PEX5L: variants seen among roughly 807,000 people sequenced by gnomAD.
PEX5L encodes the protein peroxisomal biogenesis factor 5 like.
PEX5L carries 30 observed loss-of-function variants against 84.0 expected under a neutral mutation model. The ratio of observed to expected loss-of-function variants is 0.36; its 90% CI spans 0.27 to 0.48. PEX5L has a LOEUF of 0.48. Among genes scored for constraint, PEX5L ranks in the 20% least tolerant of loss-of-function variants. PEX5L has a pLI of 0.99. For synonymous variants in PEX5L, 270 were observed against 283.1 expected, an observed-to-expected ratio of 0.95 and a Z score of 0.46; for missense variants, 533 against 754.6, an observed-to-expected ratio of 0.71 and a Z score of 3.44.
chr3:179,906,520 T>C (rs996515919), intron 2 of PEX5L, among the ~76,000 whole-genome samples: 3 of 152,224 alleles, frequency 2.0e-5, no homozygotes, highest in Non-Finnish European at 4.4e-5. Flanking sequence ...AATACATATT[T>C]CATAATTAAT....
intron 5 of PEX5L, among the ~76,000 whole-genome samples, chr3:179,877,637 T>C (rs1752837650): frequency 6.6e-6 from 1 of 151,708 alleles, no homozygotes. Context: ...TTTTAAAATT[T>C]TGTAGAGATG....
In PEX5L at chr3:179,840,183, G is replaced by GTGTGT. The variant is rs542803963; in HGVS notation, c.822+18878_822+18879insACACA. Among the ~76,000 whole-genome samples, 268 of 78,732 alleles carry GTGTGT rather than the reference G, an allele frequency of 3.4e-3. 3 individuals carry two copies. Among genetic ancestry groups the GTGTGT allele is most frequent in the African/African-American group, 0.013 (252 of 19,226 alleles). The allele number at this position is 78,732 out of a possible 152,430, so 51.7% of individuals were successfully genotyped here. ...TTTTTGTGTGTGTGTGTGTGTGTGT[G>GTGTGT]TTTTTTTTTTTTTTTTTTTTTTGAG... On this transcript the variant is annotated intron_variant, in intron 8 of 14. Transcript: ENST00000467460.
Position 179,796,525 on chromosome 3 carries a change from TC to T in PEX5L, c.*5302del, listed in dbSNP as rs1717040423. ...GTTTAATTTTCTGTGTTTTTTTTTTTCCTCTTAACTGTTTAATGCCTCCCCA... is the reference window on the plus strand; with the variant it reads ...GTTTAATTTTCTGTGTTTTTTTTTTTCTCTTAACTGTTTAATGCCTCCCCA... On this transcript the variant is annotated 3_prime_UTR_variant, in exon 15 of 15. Coordinates refer to ENST00000467460, the MANE Select transcript of PEX5L (RefSeq NM_016559.3). 2 of 151,862 alleles carry T rather than the reference TC, an allele frequency of 1.3e-5. No individual in the cohort carries two copies. Among genetic ancestry groups the T allele is most frequent in the Non-Finnish European group, 1.5e-5 (1 of 67,976 alleles). 9.4% of individuals were successfully genotyped at this position (151,862 alleles called of 1,614,324 possible). A position where few individuals can be genotyped will look rare whatever the true frequency, so the allele number is the denominator to read the frequency against.
intron 13 of PEX5L, 110 bp downstream of exon 13, chr3:179,808,162 C>G: frequency 1.2e-6 from 1 of 859,648 alleles, no homozygotes; most frequent in East Asian, 2.6e-5. Context: ...TCACTTTAAA[C>G]CATTGGAGTC....
intron 10 of PEX5L, among the ~76,000 whole-genome samples, chr3:179,815,196 T>C (rs1725553452): frequency 6.6e-6 from 1 of 152,270 alleles, no homozygotes. Context: ...GTTCAATAAA[T>C]GTGGCGTGAG....
At position 180,036,764 on chromosome 3, in the gene PEX5L, A is replaced by C. The variant is rs1299171643; in HGVS notation, c.-165T>G. On this transcript the variant is annotated 5_prime_UTR_variant, in exon 1 of 15. Coordinates refer to ENST00000467460, the MANE Select transcript of PEX5L (RefSeq NM_016559.3). Reference sequence around the variant, plus strand: ...CTCGGCCGGCCGGCGGCCACTCGGCAGCGCTGCGGGCTGCCGGGAACTGTT... The same window carrying C: ...CTCGGCCGGCCGGCGGCCACTCGGCCGCGCTGCGGGCTGCCGGGAACTGTT... The C allele has an allele frequency of 4.2e-6, 3 of 719,948 alleles. No homozygotes were observed. Among genetic ancestry groups the C allele is most frequent in the African/African-American group, 1.8e-5 (1 of 57,092 alleles). The allele number at this position is 719,948 out of a possible 1,614,324, so 44.6% of individuals were successfully genotyped here. A position where few individuals can be genotyped will look rare whatever the true frequency, so the allele number is the denominator to read the frequency against.
chr3:179,907,021 G>C (rs1763458213), intron 2 of PEX5L, among the ~76,000 whole-genome samples: 1 of 152,090 alleles, frequency 6.6e-6, no homozygotes. Context: ...GTTTCTCAGT[G>C]TATTTTATGA....
At chr3:179,880,153 C>A (rs1294760895) in intron 4 of PEX5L, 30 bp from the exon 5 acceptor site, 3 of 1,348,072 alleles carry the variant, frequency 2.2e-6, no homozygotes, top group Admixed American at 2.2e-5. Context: ...TTAAGATAAG[C>A]CCATTTACTA....
At chr3:179,817,205 A>AT (rs142591643) in intron 9 of PEX5L, among the ~76,000 whole-genome samples, 2,744 of 151,914 alleles carry the variant, frequency 0.018, 86 homozygotes, top group African/African-American at 0.063. Context: ...AAAGTTAAAG[A>AT]TTTTTTTTTA....
At chr3:180,029,011 G>A (rs376332574) in intron 1 of PEX5L, among the ~76,000 whole-genome samples, 16 of 152,238 alleles carry the variant, frequency 1.1e-4, no homozygotes, top group African/African-American at 3.9e-4. Flanking sequence ...AGATAATCTC[G>A]CAGTGGTTGG....
intron 1 of PEX5L, among the ~76,000 whole-genome samples, chr3:180,027,350 T>C (rs942752375): frequency 6.6e-6 from 1 of 152,208 alleles, no homozygotes; most frequent in Non-Finnish European, 1.5e-5. Flanking sequence ...ATTATTTATT[T>C]TGAAATAGTC....
intron 8 of PEX5L, among the ~76,000 whole-genome samples, chr3:179,847,779 G>T (rs1447603943): frequency 6.6e-6 from 1 of 152,032 alleles, no homozygotes; most frequent in Non-Finnish European, 1.5e-5. Flanking sequence ...AGGAATCCCT[G>T]CAGCCTTGAC....
intron 1 of PEX5L, among the ~76,000 whole-genome samples, chr3:180,009,933 A>T (rs1386236506): frequency 2.0e-5 from 3 of 151,714 alleles, no homozygotes; most frequent in Non-Finnish European, 4.4e-5. Flanking sequence ...GTAGTGTGTA[A>T]AGACTTTTAT....
rs1391079422 is a variant in PEX5L at position 179,797,138 on chromosome 3, G to T, written c.*4690C>A. On this transcript the variant is annotated 3_prime_UTR_variant, in exon 15 of 15. Coordinates refer to ENST00000467460, the MANE Select transcript of PEX5L (RefSeq NM_016559.3). ...ACATGATTTAGTTTAGTAGCATTCA[G>T]ACACTTGGATTTGTTTAAGTTTGGG... is the stretch of plus-strand genomic sequence containing the variant. 1 of 152,198 alleles carries T rather than the reference G, an allele frequency of 6.6e-6. No homozygotes were observed. Among genetic ancestry groups the T allele is most frequent in the Non-Finnish European group, 1.5e-5 (1 of 68,028 alleles). The allele number at this position is 152,198 out of a possible 1,614,324, so 9.4% of individuals were successfully genotyped here.
chr3:179,865,532 C>T (rs1173534966), intron 7 of PEX5L, among the ~76,000 whole-genome samples: 1 of 149,732 alleles, frequency 6.7e-6, no homozygotes, highest in Non-Finnish European at 1.5e-5. Flanking sequence ...TTTTTCATCA[C>T]AGGCAAAAGC....
intron 10 of PEX5L, among the ~76,000 whole-genome samples, chr3:179,814,051 C>A (rs937632176): frequency 1.3e-5 from 2 of 150,296 alleles, no homozygotes; most frequent in African/African-American, 4.9e-5. Flanking sequence ...GAACTCCTGG[C>A]TTGAACTGAT....
intron 1 of PEX5L, among the ~76,000 whole-genome samples, chr3:180,031,654 T>C (rs1446426440): frequency 6.6e-6 from 1 of 152,210 alleles, no homozygotes; most frequent in Non-Finnish European, 1.5e-5. Context: ...GGTTATCCTA[T>C]AAATGTATCA....
chr3:179,831,368 T>C (rs2109144705), intron 8 of PEX5L, among the ~76,000 whole-genome samples: 1 of 152,112 alleles, frequency 6.6e-6, no homozygotes, highest in African/African-American at 2.4e-5. Flanking sequence ...CTAATGTCTT[T>C]ATAAGATAGA....
At chr3:179,985,378 C>A (rs1786718907) in intron 1 of PEX5L, among the ~76,000 whole-genome samples, 1 of 152,124 alleles carries the variant, frequency 6.6e-6, no homozygotes, top group African/African-American at 2.4e-5. Flanking sequence ...AGAACAATTC[C>A]AGGTCTGAAC....
Sources: allele counts gnomAD v4.1 joint callset (sites outside exome capture counted in the v4.1 genomes callset), GRCh38; gene constraint gnomAD v4.1.1; transcripts MANE v1.5; gene names NCBI Gene and HGNC (gene_info 2026-07-23, HGNC 2026-07-21).